PDS5B: variants seen among roughly 807,000 people sequenced by gnomAD.
PDS5B encodes PDS5 cohesin associated factor B.
In PDS5B, 51 loss-of-function variants were observed where a neutral mutation model predicts 184.1. That is an observed-to-expected ratio of 0.28 (90% CI 0.22 to 0.35). The LOEUF (loss-of-function observed/expected upper bound fraction) is 0.35. Among genes scored for constraint, PDS5B ranks in the 10% least tolerant of loss-of-function variants. The pLI, the probability that PDS5B is intolerant of heterozygous loss-of-function variation, is 1.00. For missense variants in PDS5B, 1,180 were observed against 1,723.3 expected, an observed-to-expected ratio of 0.68 and a Z score of 5.58; for synonymous variants, 566 against 569.2, an observed-to-expected ratio of 0.99 and a Z score of 0.08.
chr13:32,733,064 TG>T (rs1290419773), intron 20 of PDS5B, among the ~76,000 whole-genome samples: 1 of 152,158 alleles, frequency 6.6e-6, no homozygotes, highest in East Asian at 1.9e-4. Context: ...TTTGTGTATT[TG>T]GGGATGGCGG....
Position 32,775,095 on chromosome 13 carries a change from ATCTT to A in PDS5B, c.*45_*48del. 1.8e-6 allele frequency: 1 copy of A among 547,628 alleles called. No individual in the cohort carries two copies. Among genetic ancestry groups the A allele is most frequent in the Non-Finnish European group, 2.6e-6 (1 of 388,742 alleles). The allele number at this position is 547,628 out of a possible 1,614,324, so 33.9% of individuals were successfully genotyped here. ...CTTTCTCTGTGAAAGCTTTGGAAAA[ATCTT>A]TTTTTTTTTTTTTGGTCAAGCTTGA... On this transcript the variant is annotated 3_prime_UTR_variant, in exon 35 of 35. Coordinates refer to ENST00000315596, the MANE Select transcript of PDS5B (RefSeq NM_015032.4).
intron 19 of PDS5B, among the ~76,000 whole-genome samples, chr13:32,721,607 GGCA>G (rs1300931095): frequency 1.3e-5 from 2 of 149,616 alleles, no homozygotes; most frequent in Non-Finnish European, 3.0e-5. Context: ...TCCCAGACGG[GGCA>G]GCCGGGCAGA....
At chr13:32,661,772 C>A (rs1051079098) in intron 6 of PDS5B, among the ~76,000 whole-genome samples, 4 of 152,026 alleles carry the variant, frequency 2.6e-5, no homozygotes, top group Non-Finnish European at 4.4e-5. Flanking sequence ...TATAAAGCAC[C>A]CAGAATGTAA....
chr13:32,592,517 A>G (rs552264144), intron 1 of PDS5B, among the ~76,000 whole-genome samples: 87 of 151,670 alleles, frequency 5.7e-4, no homozygotes, highest in African/African-American at 2.0e-3. Flanking sequence ...TTGGCCTCTC[A>G]AAGTGCTGGA....
intron 3 of PDS5B, among the ~76,000 whole-genome samples, chr13:32,655,374 A>ATATATATATATATATATATATTTTTTT: frequency 2.8e-5 from 2 of 72,464 alleles, no homozygotes; most frequent in East Asian, 5.5e-4. Context: ...ATATATATAT[A>ATATATATATATATATATATATTTTTTT]TTTTTTTTTT....
Position 32,777,264 on chromosome 13 carries a change from T to C in PDS5B, c.*2212T>C, listed in dbSNP as rs969951210. On this transcript the variant is annotated 3_prime_UTR_variant, in exon 35 of 35. Coordinates refer to ENST00000315596, the MANE Select transcript of PDS5B (RefSeq NM_015032.4). ...AAAATGTTCATTGTAGATTTTGTTA[T>C]GTTCAATGCCAATGAGTCTGTAATT... 1 of 152,008 alleles carries C rather than the reference T, an allele frequency of 6.6e-6. No individual in the cohort carries two copies. The highest frequency in any genetic ancestry group is 2.4e-5 in the African/African-American group (1 of 41,436). 9.4% of individuals were successfully genotyped at this position (152,008 alleles called of 1,614,324 possible). A position where few individuals can be genotyped will look rare whatever the true frequency, so the allele number is the denominator to read the frequency against.
chr13:32,632,450 A>C (rs1158456558), intron 1 of PDS5B, among the ~76,000 whole-genome samples: 3 of 152,210 alleles, frequency 2.0e-5, no homozygotes, highest in Non-Finnish European at 4.4e-5. Context: ...AAAATCAAAA[A>C]CATAATGAGG....
intron 14 of PDS5B, among the ~76,000 whole-genome samples, chr13:32,695,664 A>T (rs1274599787): frequency 2.0e-5 from 3 of 152,030 alleles, no homozygotes; most frequent in Admixed American, 2.0e-4. Context: ...CATATGTTGA[A>T]CAGCATGATG....
At chr13:32,744,272 A>G (rs1036646882) in intron 23 of PDS5B, among the ~76,000 whole-genome samples, 2 of 152,316 alleles carry the variant, frequency 1.3e-5, no homozygotes, top group Middle Eastern at 3.4e-3. Context: ...TTGGAATAAT[A>G]CCCAGTATAT....
chr13:32,719,612 A>G (rs1285641325), intron 19 of PDS5B, among the ~76,000 whole-genome samples: 1 of 152,164 alleles, frequency 6.6e-6, no homozygotes, highest in African/African-American at 2.4e-5. Flanking sequence ...GGACATTGTA[A>G]TAAAGAGGAC....
chr13:32,593,606 G>T (rs1004669606), intron 1 of PDS5B, among the ~76,000 whole-genome samples: 1 of 152,218 alleles, frequency 6.6e-6, no homozygotes, highest in Non-Finnish European at 1.5e-5. Context: ...CTCCCAAAGT[G>T]CTGGGATTAC....
At chr13:32,647,528 C>T (rs921614459) in intron 1 of PDS5B, among the ~76,000 whole-genome samples, 2 of 152,208 alleles carry the variant, frequency 1.3e-5, no homozygotes, top group Non-Finnish European at 2.9e-5. Context: ...AAAAGGCCTG[C>T]CTTGGCCTCC....
At chr13:32,662,003 A>G (rs536749042) in intron 6 of PDS5B, among the ~76,000 whole-genome samples, 1 of 152,324 alleles carries the variant, frequency 6.6e-6, no homozygotes, top group South Asian at 2.1e-4. Flanking sequence ...GAAGAGTTAC[A>G]GTAAATGTAA....
chr13:32,587,846 G>C (rs1028708416), intron 1 of PDS5B, among the ~76,000 whole-genome samples: 1 of 152,238 alleles, frequency 6.6e-6, no homozygotes, highest in Non-Finnish European at 1.5e-5. Flanking sequence ...AAAACTTTGG[G>C]TATAGCCTTA....
In PDS5B at chr13:32,727,915, C is replaced by T. The variant is rs538597729; in HGVS notation, c.2124-4186C>T. ...TTGTTGTTTTCTGGGGCTCCAATTACAAGTATTTTTGACTACTTGATACTG... is the reference window on the plus strand; with the variant it reads ...TTGTTGTTTTCTGGGGCTCCAATTATAAGTATTTTTGACTACTTGATACTG... On this transcript the variant is annotated intron_variant, in intron 19 of 34. Transcript: ENST00000315596. 5.4e-4 allele frequency among the ~76,000 whole-genome samples: 82 copies of T among 151,824 alleles called. 2 individuals carry two copies. The South Asian group carries it at 5.8e-3, about 11-fold the overall frequency.
At chr13:32,651,094 A>C (rs1950356550) in intron 2 of PDS5B, among the ~76,000 whole-genome samples, 1 of 152,230 alleles carries the variant, frequency 6.6e-6, no homozygotes, top group South Asian at 2.1e-4. Flanking sequence ...CTGAGAATTC[A>C]TGGTATACCA....
intron 19 of PDS5B, among the ~76,000 whole-genome samples, chr13:32,718,803 T>C (rs1384130957): frequency 6.6e-6 from 1 of 152,194 alleles, no homozygotes; most frequent in Non-Finnish European, 1.5e-5. Context: ...TAACCAACAA[T>C]CATTTACATT....
chr13:32,761,544 C>T (rs1954397329), intron 30 of PDS5B, among the ~76,000 whole-genome samples: 1 of 152,080 alleles, frequency 6.6e-6, no homozygotes, highest in African/African-American at 2.4e-5. Flanking sequence ...ATGTTCCCTC[C>T]CATTTATAAG....
At chr13:32,619,605 CTA>C (rs1208183135) in intron 1 of PDS5B, among the ~76,000 whole-genome samples, 1 of 151,960 alleles carries the variant, frequency 6.6e-6, no homozygotes, top group Non-Finnish European at 1.5e-5. Flanking sequence ...TACAATTAGG[CTA>C]TGTTAAATTT....
Sources: allele counts gnomAD v4.1 joint callset (sites outside exome capture counted in the v4.1 genomes callset), GRCh38; gene constraint gnomAD v4.1.1; transcripts MANE v1.5; gene names NCBI Gene and HGNC (gene_info 2026-07-23, HGNC 2026-07-21).